The following UBE2D3 variants were observed in gnomAD, a reference collection of about 807,000 sequenced individuals.
UBE2D3 encodes ubiquitin-conjugating enzyme E2 D3.
A neutral mutation model predicts 22.8 loss-of-function variants in UBE2D3; 2 were observed. The ratio of observed to expected loss-of-function variants is 0.09; its 90% CI spans 0.04 to 0.28. The LOEUF is 0.28. Among genes scored for constraint, UBE2D3 ranks in the 10% least tolerant of loss-of-function variants. The pLI is 1.00. For missense variants in UBE2D3, 27 were observed against 182.5 expected (o/e 0.15, Z 4.91); for synonymous variants, 56 against 60.4 (o/e 0.93, Z 0.34).
At chr4:102,849,842 C>T (rs751168037) in intron 1 of UBE2D3, among the ~76,000 whole-genome samples, 25 of 152,132 alleles carry the variant, frequency 1.6e-4, no homozygotes, top group East Asian at 3.9e-4. Flanking sequence ...TGACAGGGGA[C>T]GGGGGACAGG....
At chr4:102,813,625 T>A (rs894008339) in intron 2 of UBE2D3, among the ~76,000 whole-genome samples, 12 of 152,194 alleles carry the variant, frequency 7.9e-5, no homozygotes, top group Non-Finnish European at 1.6e-4. Context: ...GTATCATTAA[T>A]AAACAAATGA....
intron 1 of UBE2D3, among the ~76,000 whole-genome samples, chr4:102,867,329 A>G (rs996920201): frequency 2.6e-5 from 4 of 152,242 alleles, no homozygotes; most frequent in Admixed American, 2.6e-4. Flanking sequence ...AGTATTTATT[A>G]TAACTGGCTG....
intron 1 of UBE2D3, among the ~76,000 whole-genome samples, chr4:102,833,167 TCTC>T (rs1301981505): frequency 3.4e-5 from 5 of 148,804 alleles, no homozygotes; most frequent in South Asian, 2.1e-4. Context: ...GCAAATCAAA[TCTC>T]CTCTTGAAAC....
At chr4:102,855,937 C>T (rs1242916648) in intron 1 of UBE2D3, among the ~76,000 whole-genome samples, 2 of 152,068 alleles carry the variant, frequency 1.3e-5, no homozygotes, top group South Asian at 2.1e-4. Flanking sequence ...AAAGGGTTGC[C>T]ATTTTAAAAT....
At chr4:102,865,944 T>G (rs1733127043) in intron 1 of UBE2D3, among the ~76,000 whole-genome samples, 1 of 152,190 alleles carries the variant, frequency 6.6e-6, no homozygotes, top group Non-Finnish European at 1.5e-5. Context: ...AGATGGAGTC[T>G]AAAAACACTA....
intron 2 of UBE2D3, among the ~76,000 whole-genome samples, chr4:102,819,187 G>A (rs1002710577): frequency 1.4e-4 from 22 of 151,954 alleles, no homozygotes; most frequent in African/African-American, 5.1e-4. Context: ...AAAATTAGCC[G>A]GGCATGATGG....
chr4:102,816,147 T>C (rs1728753710), intron 2 of UBE2D3, among the ~76,000 whole-genome samples: 1 of 152,232 alleles, frequency 6.6e-6, no homozygotes. Flanking sequence ...ATGAATTCCT[T>C]TTCCCTTACT....
At chr4:102,800,861 T>G (rs1266651794) in intron 6 of UBE2D3, among the ~76,000 whole-genome samples, 1 of 152,078 alleles carries the variant, frequency 6.6e-6, no homozygotes, top group African/African-American at 2.4e-5. Context: ...CAACTTCACC[T>G]GGGATATTCA....
intron 1 of UBE2D3, among the ~76,000 whole-genome samples, chr4:102,863,115 A>G (rs1052012884): frequency 6.6e-6 from 1 of 152,026 alleles, no homozygotes; most frequent in African/African-American, 2.4e-5. Flanking sequence ...CAGTGGCACA[A>G]TCTTGGCTCA....
At chr4:102,815,023 T>G (rs223409) in intron 2 of UBE2D3, among the ~76,000 whole-genome samples, 82,517 of 151,702 alleles carry the variant, frequency 0.54, 23,021 homozygotes, top group African/African-American at 0.68. Flanking sequence ...TGTTAAAATG[T>G]CTGAACAAAA....
intron 1 of UBE2D3, among the ~76,000 whole-genome samples, chr4:102,840,687 T>A (rs1172280336): frequency 6.6e-6 from 1 of 152,220 alleles, no homozygotes; most frequent in Non-Finnish European, 1.5e-5. Flanking sequence ...TAACAGTGAA[T>A]GCTTTTTGTA....
chr4:102,802,335 T>A (rs938250593), intron 5 of UBE2D3: 3 of 338,672 alleles, frequency 8.9e-6, no homozygotes, highest in African/African-American at 4.2e-5. Flanking sequence ...AGCTTCCACA[T>A]GGTCTGAATC....
intron 6 of UBE2D3, among the ~76,000 whole-genome samples, chr4:102,801,045 A>G (rs974431787): frequency 6.6e-6 from 1 of 152,034 alleles, no homozygotes; most frequent in African/African-American, 2.4e-5. Context: ...AACCCAGGAA[A>G]GCAAAATCAG....
intron 1 of UBE2D3, among the ~76,000 whole-genome samples, chr4:102,843,076 C>T (rs1015145678): frequency 6.6e-6 from 1 of 152,166 alleles, no homozygotes; most frequent in Non-Finnish European, 1.5e-5. Flanking sequence ...TGCCACTGCA[C>T]TCCAGCGTGG....
chr4:102,809,508 GACTA>G, intron 4 of UBE2D3, 160 bp downstream of exon 4: 1 of 745,114 alleles, frequency 1.3e-6, no homozygotes, highest in Non-Finnish European at 2.2e-6. Flanking sequence ...CGTAACAAAT[GACTA>G]ACTCATTATG....
chr4:102,815,974 AC>A (rs1337055776), intron 2 of UBE2D3, among the ~76,000 whole-genome samples: 4 of 152,230 alleles, frequency 2.6e-5, no homozygotes, highest in African/African-American at 9.6e-5. Flanking sequence ...AAAACCATGC[AC>A]AAGCACTTAC....
At chr4:102,814,814 T>A (rs1728567195) in intron 2 of UBE2D3, among the ~76,000 whole-genome samples, 1 of 152,134 alleles carries the variant, frequency 6.6e-6, no homozygotes, top group South Asian at 2.1e-4. Context: ...ATGGGCCACA[T>A]AATATAGCCA....
At chr4:102,862,622 T>A (rs1008090630) in intron 1 of UBE2D3, among the ~76,000 whole-genome samples, 5 of 152,248 alleles carry the variant, frequency 3.3e-5, no homozygotes, top group Non-Finnish European at 4.4e-5. Context: ...GTGTATTTTT[T>A]AAACCTTTTA....
At chr4:102,815,613 TATC>T (rs1253873367) in intron 2 of UBE2D3, among the ~76,000 whole-genome samples, 1 of 152,186 alleles carries the variant, frequency 6.6e-6, no homozygotes, top group Non-Finnish European at 1.5e-5. Flanking sequence ...ATGCTAGCAT[TATC>T]ATCCTTTTAG....
Sources: allele counts gnomAD v4.1 joint callset (sites outside exome capture counted in the v4.1 genomes callset), GRCh38; gene constraint gnomAD v4.1.1; transcripts MANE v1.5; gene names NCBI Gene and HGNC (gene_info 2026-07-23, HGNC 2026-07-21).